Variants in DOCK4 observed in about 807,000 individuals in gnomAD.
The protein encoded by DOCK4 is dedicator of cytokinesis protein 4.
A neutral mutation model predicts 268.1 loss-of-function variants in DOCK4; 97 were observed. The observed-to-expected ratio is 0.36, with a 90% CI of 0.31 to 0.43. DOCK4 has a LOEUF of 0.43. DOCK4 is among the 20% of genes least tolerant of loss of function. The pLI, the probability that DOCK4 is intolerant of heterozygous loss-of-function variation, is 1.00. For missense variants in DOCK4, 2,145 were observed against 2,455.7 expected (o/e 0.87, Z 2.67); for synonymous variants, 954 against 887.2 (o/e 1.08, Z -1.34).
At chr7:111,816,219 C>T (rs1248522158) in intron 27 of DOCK4, among the ~76,000 whole-genome samples, 2 of 151,994 alleles carry the variant, frequency 1.3e-5, no homozygotes, top group South Asian at 2.1e-4. Flanking sequence ...TACACAAGCC[C>T]GTCTCCAAAA....
At chr7:111,968,460 T>C (rs1797418125) in intron 8 of DOCK4, among the ~76,000 whole-genome samples, 1 of 92,146 alleles carries the variant, frequency 1.1e-5, no homozygotes, top group Non-Finnish European at 2.0e-5. Context: ...CATGAAGAAA[T>C]GCTCATCATC....
chr7:111,780,152 A>G (rs1167036739), intron 35 of DOCK4, among the ~76,000 whole-genome samples: 1 of 152,208 alleles, frequency 6.6e-6, no homozygotes, highest in Non-Finnish European at 1.5e-5. Flanking sequence ...AAGCCTGAGG[A>G]TCTGCTATCA....
chr7:111,873,145 G>A (rs1806561508), intron 17 of DOCK4, among the ~76,000 whole-genome samples: 1 of 152,216 alleles, frequency 6.6e-6, no homozygotes, highest in African/African-American at 2.4e-5. Flanking sequence ...CTCTCAACCT[G>A]AGAAGAGCAG....
chr7:112,063,638 G>A (rs187421954), intron 1 of DOCK4, among the ~76,000 whole-genome samples: 7 of 152,242 alleles, frequency 4.6e-5, no homozygotes, highest in East Asian at 1.9e-4. Flanking sequence ...TCATAAAGTC[G>A]AAAAATTGTT....
At chr7:111,870,926 C>CGA (rs1562826264) in intron 20 of DOCK4, among the ~76,000 whole-genome samples, 3 of 152,082 alleles carry the variant, frequency 2.0e-5, no homozygotes, top group Non-Finnish European at 2.9e-5. Flanking sequence ...CTGAGTGGGC[C>CGA]GATGTTTCAA....
At chr7:111,753,005 T>TGTG (rs1554581792) in intron 42 of DOCK4, among the ~76,000 whole-genome samples, 1 of 105,166 alleles carries the variant, frequency 9.5e-6, no homozygotes, top group Non-Finnish European at 1.9e-5. Flanking sequence ...GATAAGCTAT[T>TGTG]GGGGGGGGGG....
intron 10 of DOCK4, among the ~76,000 whole-genome samples, chr7:111,941,967 TA>T (rs1795242990): frequency 1.3e-5 from 2 of 152,222 alleles, no homozygotes; most frequent in Non-Finnish European, 2.9e-5. Context: ...AGTTTAACGT[TA>T]AGCCACGGCT....
chr7:111,844,398 C>T (rs1803933983), intron 25 of DOCK4, among the ~76,000 whole-genome samples: 2 of 152,140 alleles, frequency 1.3e-5, no homozygotes, highest in Admixed American at 6.5e-5. Flanking sequence ...AACTCAGGGC[C>T]CTGACTCCTA....
At chr7:112,181,501 T>G (rs12532251) in intron 1 of DOCK4, among the ~76,000 whole-genome samples, 19,261 of 151,486 alleles carry the variant, frequency 0.13, 1,352 homozygotes, top group Admixed American at 0.19. Context: ...ACAAAAAAAT[T>G]TAAAAATTAG....
rs141666231 is a variant in DOCK4 at position 111,788,497 on chromosome 7, G to A, written c.3401+165C>T. 6,623 of 610,072 alleles carry A rather than the reference G, an allele frequency of 0.011. 62 individuals are homozygous for A. Among genetic ancestry groups the A allele is most frequent in the Non-Finnish European group, 0.013 (4,273 of 338,566 alleles). 37.8% of individuals were successfully genotyped at this position (610,072 alleles called of 1,614,324 possible). On this transcript the variant is annotated intron_variant, in intron 32 of 52. Transcript: ENST00000428084. ...ATCATCAACATTATAAGATCCATTC[G>A]CCAGAGTTAGGCAATTATCCTTTAT...
At chr7:112,141,607 T>C (rs759219558) in intron 1 of DOCK4, among the ~76,000 whole-genome samples, 10 of 152,198 alleles carry the variant, frequency 6.6e-5, no homozygotes, top group Non-Finnish European at 1.2e-4. Context: ...AATAGATACA[T>C]ACATAAAATC....
intron 1 of DOCK4, among the ~76,000 whole-genome samples, chr7:112,144,274 A>C (rs1815220194): frequency 6.6e-6 from 1 of 152,196 alleles, no homozygotes; most frequent in Non-Finnish European, 1.5e-5. Flanking sequence ...TCACAATATA[A>C]GTAGTCCACT....
intron 26 of DOCK4, among the ~76,000 whole-genome samples, chr7:111,830,309 C>T (rs1802722699): frequency 1.3e-5 from 2 of 152,038 alleles, no homozygotes; most frequent in Non-Finnish European, 2.9e-5. Flanking sequence ...GCCTGTAGTC[C>T]CAGCTACTCA....
rs1437303101 is a variant in DOCK4 at position 112,003,718 on chromosome 7, T to C, written c.121+330A>G. ...CATGTCTGCTCTGGGCCTCTGCTTC[T>C]TCCTGTCCTGTGGGATCTACTAGAT... On this transcript the variant is annotated intron_variant, in intron 2 of 52. Coordinates refer to ENST00000428084, the MANE Select transcript of DOCK4 (RefSeq NM_001363540.2). 3.9e-5 allele frequency among the ~76,000 whole-genome samples: 6 copies of C among 152,304 alleles called. No individual in the cohort carries two copies. In the East Asian group the frequency reaches 1.2e-3, roughly 29 times the overall value.
intron 31 of DOCK4, 87 bp from the exon 32 acceptor site, chr7:111,788,834 G>GA: frequency 8.3e-7 from 1 of 1,208,502 alleles, no homozygotes; most frequent in Non-Finnish European, 1.2e-6. Context: ...TTGTGCCAAG[G>GA]AAAAAGCCAT....
At chr7:111,861,159 G>A (rs887869149) in intron 23 of DOCK4, among the ~76,000 whole-genome samples, 5 of 152,240 alleles carry the variant, frequency 3.3e-5, no homozygotes, top group East Asian at 3.9e-4. Flanking sequence ...TCCCAACCCC[G>A]GAGAGATTCC....
chr7:111,822,268 A>C lies in DOCK4; in HGVS notation c.2930+94T>G, dbSNP rs189549459. On this transcript the variant is annotated intron_variant, in intron 27 of 52. Transcript: ENST00000428084. ...GGCTTAATTCAGAGGCAAAAAAAAAACTGCAAACTTGAGATCAAATGAAAA... is the reference window on the plus strand; with the variant it reads ...GGCTTAATTCAGAGGCAAAAAAAAACCTGCAAACTTGAGATCAAATGAAAA... The C allele has an allele frequency of 3.2e-4, 344 of 1,080,846 alleles. 1 individual carries two copies. The African/African-American group carries it at 3.9e-3, about 12-fold the overall frequency. 67.0% of individuals were successfully genotyped at this position (1,080,846 alleles called of 1,614,324 possible).
At chr7:111,900,610 T>C in intron 14 of DOCK4, 74 bp from the exon 15 acceptor site, 2 of 1,461,244 alleles carry the variant, frequency 1.4e-6, no homozygotes, top group Non-Finnish European at 1.8e-6. Context: ...AGCAATCACT[T>C]TGCTCTATCT....
At chr7:111,840,049 AG>A (rs1180685385) in intron 25 of DOCK4, among the ~76,000 whole-genome samples, 28 of 152,318 alleles carry the variant, frequency 1.8e-4, no homozygotes, top group African/African-American at 5.1e-4. Flanking sequence ...ACTTAGCTGC[AG>A]TGTGAAACTT....
Sources: gnomAD v4.1 joint callset for allele counts (sites outside exome capture counted in the v4.1 genomes callset) on GRCh38, gnomAD v4.1.1 for gene constraint, MANE v1.5 for transcripts, NCBI Gene and HGNC (gene_info 2026-07-23, HGNC 2026-07-21) for gene names.